The following ITPR1 variants were observed in gnomAD, a reference collection of about 807,000 sequenced individuals.
ITPR1 encodes inositol 1,4,5-trisphosphate-gated calcium channel ITPR1.
Under a neutral mutation model 318.4 loss-of-function variants are expected in ITPR1, and 96 were observed. The ratio of observed to expected loss-of-function variants is 0.30; its 90% CI spans 0.26 to 0.36. ITPR1 has a LOEUF of 0.36. Ranked by LOEUF, ITPR1 falls within the 10% of genes least tolerant of loss-of-function variation. ITPR1 has a pLI of 1.00. For missense variants in ITPR1, 2,440 were observed against 3,460.2 expected (o/e 0.71, Z 7.40); for synonymous variants, 1,312 against 1,289.9 (o/e 1.02, Z -0.37).
At chr3:4,785,811 C>T (rs1200755044) in intron 51 of ITPR1, among the ~76,000 whole-genome samples, 3 of 152,168 alleles carry the variant, frequency 2.0e-5, no homozygotes, top group Non-Finnish European at 2.9e-5. Flanking sequence ...AATATGTTCT[C>T]CTGACTCCAG....
intron 4 of ITPR1, among the ~76,000 whole-genome samples, chr3:4,616,938 G>A (rs1477729406): frequency 6.6e-6 from 1 of 151,918 alleles, no homozygotes; most frequent in Non-Finnish European, 1.5e-5. Flanking sequence ...TTGCCTCCAG[G>A]CCAAAGCAGT....
At chr3:4,618,826 G>C (rs1195093966) in intron 4 of ITPR1, among the ~76,000 whole-genome samples, 1 of 152,190 alleles carries the variant, frequency 6.6e-6, no homozygotes, top group East Asian at 1.9e-4. Context: ...TGGGATGGAT[G>C]ACTAGCATTA....
chr3:4,673,475 G>T (rs961469573), intron 21 of ITPR1, 88 bp downstream of exon 21: 2 of 1,285,282 alleles, frequency 1.6e-6, no homozygotes, highest in Admixed American at 2.7e-5. Flanking sequence ...TTAGAAGAAA[G>T]ATGAAGTGTT....
chr3:4,569,443 C>T (rs755858245), intron 4 of ITPR1, among the ~76,000 whole-genome samples: 9 of 152,138 alleles, frequency 5.9e-5, no homozygotes, highest in South Asian at 4.1e-4. Flanking sequence ...TTTATGACTA[C>T]GTTTTCAATG....
At chr3:4,618,519 A>G (rs761318010) in intron 4 of ITPR1, among the ~76,000 whole-genome samples, 11 of 152,140 alleles carry the variant, frequency 7.2e-5, no homozygotes, top group Non-Finnish European at 8.8e-5. Context: ...TGACTATGTA[A>G]ATATTGTTCG....
At chr3:4,750,933 A>T (rs898166250) in intron 44 of ITPR1, 2 of 152,474 alleles carry the variant, frequency 1.3e-5, no homozygotes, top group African/African-American at 4.8e-5. Flanking sequence ...TTTTCCCATG[A>T]TTTTTTTATT....
In ITPR1 at chr3:4,731,334, C is replaced by T. The variant is rs560155637; in HGVS notation, c.5221-1754C>T. 7.9e-5 allele frequency among the ~76,000 whole-genome samples: 12 copies of T among 152,298 alleles called. No individual in the cohort carries two copies. The South Asian group carries it at 2.1e-3, about 26-fold the overall frequency. ...TTCCAAGTCATTAAAGCATCTTGCA[C>T]CGAAACTTTCTTCCCCACCTGTGAG... On this transcript the variant is annotated intron_variant, in intron 42 of 61. Coordinates refer to ENST00000649015, the MANE Select transcript of ITPR1 (RefSeq NM_001378452.1).
intron 10 of ITPR1, among the ~76,000 whole-genome samples, chr3:4,647,708 G>A (rs991044572): frequency 2.0e-5 from 3 of 152,212 alleles, no homozygotes; most frequent in Non-Finnish European, 4.4e-5. Flanking sequence ...GGTGTGTAGT[G>A]AAATTTCATT....
rs116516190 is a variant in ITPR1, at chr3:4,767,026, A to G, written c.5725+316A>G. Among the ~76,000 whole-genome samples, 357 of 152,360 alleles carry G rather than the reference A, an allele frequency of 2.3e-3. 1 individual carries two copies. The highest frequency in any genetic ancestry group is 3.6e-3 in the Non-Finnish European group (243 of 68,026). The stretch of plus-strand genomic sequence containing the variant: ...GAAAGTTGAGGGAAATACGTATTTT[A>G]AAACTGGGTGTTAGTCCTTTGTCAG... On this transcript the variant is annotated intron_variant, in intron 45 of 61. Transcript: ENST00000649015.
chr3:4,497,329 A>G (rs1270149881), intron 2 of ITPR1, among the ~76,000 whole-genome samples: 1 of 27,562 alleles, frequency 3.6e-5, no homozygotes, highest in Non-Finnish European at 7.1e-5. Flanking sequence ...AGACCTGTTC[A>G]AGTTGTGTGC....
chr3:4,521,213 C>T (rs1227899922), intron 4 of ITPR1, 119 bp downstream of exon 4: 2 of 680,454 alleles, frequency 2.9e-6, no homozygotes, highest in Non-Finnish European at 5.2e-6. Context: ...GTATTTTTTT[C>T]AGAGTATGAT....
chr3:4,544,350 A>G (rs1181735339), intron 4 of ITPR1, among the ~76,000 whole-genome samples: 1 of 152,218 alleles, frequency 6.6e-6, no homozygotes, highest in Non-Finnish European at 1.5e-5. Flanking sequence ...TGTCGACAGT[A>G]CAGGTAATGT....
At chr3:4,778,537 G>A (rs906132581) in intron 48 of ITPR1, among the ~76,000 whole-genome samples, 5 of 152,202 alleles carry the variant, frequency 3.3e-5, no homozygotes, top group African/African-American at 1.2e-4. Context: ...CACACTAACA[G>A]TCGATTTGGG....
At chr3:4,672,577 A>G (rs2094109586) in intron 20 of ITPR1, among the ~76,000 whole-genome samples, 2 of 152,204 alleles carry the variant, frequency 1.3e-5, no homozygotes, top group Admixed American at 1.3e-4. Flanking sequence ...GTTCCAGTTA[A>G]CAACATTCAC....
chr3:4,638,383 C>G (rs2093253431), intron 5 of ITPR1, among the ~76,000 whole-genome samples: 1 of 152,192 alleles, frequency 6.6e-6, no homozygotes, highest in African/African-American at 2.4e-5. Flanking sequence ...GCCCGTTGCC[C>G]TTTACCATTA....
chr3:4,535,590 C>T (rs2083798126), intron 4 of ITPR1, among the ~76,000 whole-genome samples: 1 of 151,470 alleles, frequency 6.6e-6, no homozygotes, highest in Non-Finnish European at 1.5e-5. Flanking sequence ...CTACAGGTGC[C>T]TGCCACCACG....
chr3:4,504,480 A>G (rs139647711), intron 2 of ITPR1, among the ~76,000 whole-genome samples: 6 of 152,172 alleles, frequency 3.9e-5, no homozygotes, highest in African/African-American at 7.2e-5. Flanking sequence ...ACAATTTTCT[A>G]TGCTCCCAGA....
intron 18 of ITPR1, 88 bp downstream of exon 18, chr3:4,667,637 T>A: frequency 7.8e-7 from 1 of 1,286,160 alleles, no homozygotes; most frequent in Non-Finnish European, 1.1e-6. Context: ...CGTTTCCTTG[T>A]GCTGCTAGTG....
At chr3:4,518,267 G>T (rs1171108347) in intron 3 of ITPR1, among the ~76,000 whole-genome samples, 3 of 152,162 alleles carry the variant, frequency 2.0e-5, no homozygotes, top group Admixed American at 6.5e-5. Context: ...TCACCCAGGT[G>T]CCTCCTGAGC....
Sources: allele counts gnomAD v4.1 joint callset (sites outside exome capture counted in the v4.1 genomes callset), GRCh38; gene constraint gnomAD v4.1.1; transcripts MANE v1.5; gene names NCBI Gene and HGNC (gene_info 2026-07-23, HGNC 2026-07-21).